Variants in DPP10 observed in about 807,000 individuals in gnomAD.
The protein encoded by DPP10 is inactive dipeptidyl peptidase 10.
Under a neutral mutation model 120.9 loss-of-function variants are expected in DPP10, and 33 were observed. That is an observed-to-expected ratio of 0.27 (90% confidence interval 0.21 to 0.37). The LOEUF is 0.37. Among genes scored for constraint, DPP10 ranks in the 10% least tolerant of loss-of-function variants. DPP10 has a pLI of 1.00. For missense variants in DPP10, 816 were observed against 942.8 expected (o/e 0.87, Z 1.76); for synonymous variants, 337 against 326.1 (o/e 1.03, Z -0.36).
chr2:115,386,371 A>G lies in DPP10; in HGVS notation c.271+42459A>G, dbSNP rs188710148. 1.5e-3 allele frequency among the ~76,000 whole-genome samples: 231 copies of G among 152,326 alleles called. 1 individual carries two copies. The highest frequency in any genetic ancestry group is 4.9e-3 in the African/African-American group (203 of 41,562). On this transcript the variant is annotated intron_variant, in intron 3 of 25. Coordinates refer to ENST00000410059, the MANE Select transcript of DPP10 (RefSeq NM_020868.6). ...TAAACAGAACTTTATTGACACATGC[A>G]TCACTCTTACCTGTGAGAGCACTCA...
chr2:114,625,252 T>A (rs1558943151), intron 1 of DPP10, among the ~76,000 whole-genome samples: 1 of 151,964 alleles, frequency 6.6e-6, no homozygotes, highest in Non-Finnish European at 1.5e-5. Flanking sequence ...AGTGCAGATT[T>A]TGCTTATTAT....
At chr2:115,424,111 G>A (rs2070237313) in intron 3 of DPP10, among the ~76,000 whole-genome samples, 2 of 152,092 alleles carry the variant, frequency 1.3e-5, no homozygotes, top group African/African-American at 4.8e-5. Context: ...AGCTAATCAA[G>A]TAATAAGACA....
At chr2:114,811,816 T>G (rs1052551389) in intron 1 of DPP10, among the ~76,000 whole-genome samples, 1 of 152,218 alleles carries the variant, frequency 6.6e-6, no homozygotes, top group Admixed American at 6.5e-5. Flanking sequence ...GTGTTCTCTC[T>G]ACAATAGAGC....
At chr2:115,572,816 A>G (rs1350395582) in intron 5 of DPP10, among the ~76,000 whole-genome samples, 1 of 152,206 alleles carries the variant, frequency 6.6e-6, no homozygotes, top group African/African-American at 2.4e-5. Context: ...TTAACAACCC[A>G]AACTTTAAAA....
intron 3 of DPP10, among the ~76,000 whole-genome samples, chr2:115,471,522 C>T (rs536783551): frequency 6.6e-6 from 1 of 152,144 alleles, no homozygotes; most frequent in Non-Finnish European, 1.5e-5. Flanking sequence ...CGCAGTCTTA[C>T]ATCTTGAAAA....
rs2150142231 is a variant in DPP10 at position 115,842,403 on chromosome 2, GA to G, written c.*59del. ...TTGAGGCTCAATGAAACCTGACAAA[GA>G]GACTGTAATATTGTAGTTGCTCCAG... On this transcript the variant is annotated 3_prime_UTR_variant, in exon 26 of 26. Transcript: ENST00000410059. 6.4e-7 allele frequency: 1 copy of G among 1,562,962 alleles called. No homozygotes were observed. Among genetic ancestry groups the G allele is most frequent in the Admixed American group, 1.7e-5 (1 of 58,188 alleles).
intron 5 of DPP10, among the ~76,000 whole-genome samples, chr2:115,620,905 G>A (rs1396371164): frequency 6.6e-6 from 1 of 152,174 alleles, no homozygotes; most frequent in African/African-American, 2.4e-5. Context: ...CGTGGTCAAC[G>A]TAGTATATGG....
chr2:115,218,954 A>G (rs533847704), intron 1 of DPP10, among the ~76,000 whole-genome samples: 1 of 152,220 alleles, frequency 6.6e-6, no homozygotes, highest in East Asian at 1.9e-4. Context: ...TTAGTGTTAG[A>G]TGCATAAATA....
At chr2:114,859,165 T>TA (rs71394112) in intron 1 of DPP10, among the ~76,000 whole-genome samples, 5,190 of 141,456 alleles carry the variant, frequency 0.037, 147 homozygotes, top group African/African-American at 0.062. Flanking sequence ...TGTCTCTACT[T>TA]AAAAAAAAAA....
chr2:114,517,721 A>T (rs1390573085), intron 1 of DPP10, among the ~76,000 whole-genome samples: 3 of 152,202 alleles, frequency 2.0e-5, no homozygotes, highest in South Asian at 4.1e-4. Context: ...GCTGCCTCAG[A>T]TACATGAAGA....
chr2:114,664,520 T>A, intron 1 of DPP10, among the ~76,000 whole-genome samples: 1 of 149,104 alleles, frequency 6.7e-6, no homozygotes, highest in Non-Finnish European at 1.5e-5. Flanking sequence ...TCCCAGCTAC[T>A]CAGGAGGCTG....
chr2:115,513,977 T>C (rs1004394040), intron 4 of DPP10, among the ~76,000 whole-genome samples: 6 of 151,992 alleles, frequency 3.9e-5, no homozygotes, highest in African/African-American at 1.2e-4. Context: ...TCAGGTTTTG[T>C]TTATTTAGAA....
intron 7 of DPP10, among the ~76,000 whole-genome samples, chr2:115,704,200 T>C (rs2092005625): frequency 6.6e-6 from 1 of 151,848 alleles, no homozygotes; most frequent in African/African-American, 2.4e-5. Context: ...ACCTGACTCC[T>C]CTGTGTCTCT....
chr2:115,196,469 C>A (rs186617642), intron 1 of DPP10, among the ~76,000 whole-genome samples: 225 of 152,164 alleles, frequency 1.5e-3, no homozygotes, highest in African/African-American at 5.3e-3. Flanking sequence ...TACTATAAGA[C>A]TATATTTATT....
intron 2 of DPP10, among the ~76,000 whole-genome samples, chr2:115,333,378 A>T (rs189340426): frequency 1.3e-5 from 2 of 151,896 alleles, no homozygotes; most frequent in South Asian, 4.1e-4. Context: ...TCTTTATCCA[A>T]TTTGCCAGTC....
At chr2:114,930,042 A>T (rs1695953419) in intron 1 of DPP10, among the ~76,000 whole-genome samples, 1 of 152,170 alleles carries the variant, frequency 6.6e-6, no homozygotes, top group East Asian at 1.9e-4. Context: ...GGAAATTGGA[A>T]CCCCAAACAT....
rs367930327 is a variant in DPP10, at chr2:114,650,172, C to T, written c.60+207334C>T. ...GTGTTTTGATTGGTCACACCTGAGT[C>T]TTATGATCTAACCTTGGAGCACCGT... On this transcript the variant is annotated intron_variant, in intron 1 of 25. Transcript: ENST00000410059. Among the ~76,000 whole-genome samples the T allele has an allele frequency of 3.0e-3, 458 of 152,252 alleles. 3 individuals carry two copies. Among genetic ancestry groups the T allele is most frequent in the African/African-American group, 0.011 (443 of 41,526 alleles).
chr2:114,872,910 C>T (rs567459429), intron 1 of DPP10, among the ~76,000 whole-genome samples: 2 of 152,294 alleles, frequency 1.3e-5, no homozygotes, highest in Non-Finnish European at 2.9e-5. Context: ...AGTTGATTCA[C>T]ATTCTCCAAG....
intron 1 of DPP10, among the ~76,000 whole-genome samples, chr2:114,761,785 C>T (rs553137206): frequency 6.6e-6 from 1 of 152,272 alleles, no homozygotes; most frequent in South Asian, 2.1e-4. Flanking sequence ...CATATTACTG[C>T]TAAGAAACTG....
Sources: gnomAD v4.1 joint callset for allele counts (sites outside exome capture counted in the v4.1 genomes callset) on GRCh38, gnomAD v4.1.1 for gene constraint, MANE v1.5 for transcripts, NCBI Gene and HGNC (gene_info 2026-07-23, HGNC 2026-07-21) for gene names.